GALNT14: variants seen among roughly 807,000 people sequenced by gnomAD.
GALNT14 encodes the protein UDP-GalNAc:polypeptide N-acetylgalactosaminyltransferase 14.
A neutral mutation model predicts 77.5 loss-of-function variants in GALNT14; 60 were observed. The observed-to-expected ratio is 0.77, with a 90% CI of 0.63 to 0.96. GALNT14 has a LOEUF of 0.96. Among genes scored for constraint, GALNT14 ranks in the 40% least tolerant of loss-of-function variants. GALNT14 has a pLI of 0.00. For synonymous variants in GALNT14, 280 were observed against 281.7 expected (o/e 0.99, Z 0.06); for missense variants, 710 against 731.0 (o/e 0.97, Z 0.33).
At chr2:31,028,645 G>T (rs1672224737) in intron 1 of GALNT14, among the ~76,000 whole-genome samples, 1 of 152,232 alleles carries the variant, frequency 6.6e-6, no homozygotes, top group Non-Finnish European at 1.5e-5. Context: ...GGGTAGCGGT[G>T]AAACACCAGG....
rs117281680 is a variant in GALNT14, at chr2:31,076,072, A to G, written c.129+61886T>C. On this transcript the variant is annotated intron_variant, in intron 1 of 14. Transcript: ENST00000349752. ...TTAACTCGAGCAGACACAGATGACC[A>G]GCAGTCTTGGAAACCACTGTGTATA... is the stretch of plus-strand genomic sequence containing the variant. 3.9e-5 allele frequency among the ~76,000 whole-genome samples: 6 copies of G among 152,352 alleles called. No homozygotes were observed. The East Asian group carries it at 1.2e-3, about 29-fold the overall frequency.
chr2:31,096,345 G>C (rs1677003672), intron 1 of GALNT14, among the ~76,000 whole-genome samples: 1 of 152,142 alleles, frequency 6.6e-6, no homozygotes, highest in Non-Finnish European at 1.5e-5. Flanking sequence ...GCCTATTACA[G>C]TATATGTCTT....
chr2:30,978,307 T>C (rs1668762167), intron 2 of GALNT14, among the ~76,000 whole-genome samples: 1 of 152,250 alleles, frequency 6.6e-6, no homozygotes, highest in Admixed American at 6.5e-5. Flanking sequence ...GGTATGACTA[T>C]TCCCCTTTCT....
intron 8 of GALNT14, among the ~76,000 whole-genome samples, chr2:30,942,812 C>A (rs1030888318): frequency 1.3e-5 from 2 of 152,114 alleles, no homozygotes; most frequent in Non-Finnish European, 2.9e-5. Flanking sequence ...CCTCTTTATG[C>A]CTCTGTTATG....
chr2:31,045,613 CA>C (rs1190088984), intron 1 of GALNT14, among the ~76,000 whole-genome samples: 1 of 152,140 alleles, frequency 6.6e-6, no homozygotes, highest in Non-Finnish European at 1.5e-5. Flanking sequence ...CAGGCACCCA[CA>C]ACCACGCCTG....
chr2:31,121,838 T>C (rs1234470703), intron 1 of GALNT14, among the ~76,000 whole-genome samples: 1 of 152,094 alleles, frequency 6.6e-6, no homozygotes, highest in Admixed American at 6.6e-5. Flanking sequence ...CTCACTTCCA[T>C]CTACCTCCCA....
chr2:31,039,682 CTCT>C (rs1332400681), intron 1 of GALNT14, among the ~76,000 whole-genome samples: 2 of 125,150 alleles, frequency 1.6e-5, no homozygotes, highest in Non-Finnish European at 3.5e-5. Context: ...ATTAGAAGAT[CTCT>C]TTTTTTTTCT....
chr2:31,041,622 T>C (rs1673099147), intron 1 of GALNT14, among the ~76,000 whole-genome samples: 1 of 152,128 alleles, frequency 6.6e-6, no homozygotes, highest in Admixed American at 6.5e-5. Context: ...TGGGATCCCA[T>C]GCTACGGCAT....
At chr2:30,912,114 C>T (rs889472257) in intron 14 of GALNT14, 109 bp downstream of exon 14, 3 of 1,404,190 alleles carry the variant, frequency 2.1e-6, no homozygotes, top group African/African-American at 2.9e-5. Context: ...CTCTTATCAA[C>T]TCTTCCTCTT....
intron 1 of GALNT14, among the ~76,000 whole-genome samples, chr2:31,079,892 G>A (rs1676051633): frequency 6.6e-6 from 1 of 152,188 alleles, no homozygotes; most frequent in Admixed American, 6.5e-5. Context: ...GGACCCTCCT[G>A]CTGCTCCCAG....
chr2:31,087,572 T>C (rs1676510134), intron 1 of GALNT14, among the ~76,000 whole-genome samples: 1 of 83,958 alleles, frequency 1.2e-5, no homozygotes, highest in Non-Finnish European at 2.8e-5. Context: ...ACAACACCAC[T>C]GACTTGGGGA....
chr2:31,116,106 T>A (rs1401781362), intron 1 of GALNT14, among the ~76,000 whole-genome samples: 1 of 152,152 alleles, frequency 6.6e-6, no homozygotes, highest in East Asian at 1.9e-4. Flanking sequence ...ATCATTGATA[T>A]CTTGATTGCA....
chr2:31,074,763 A>T (rs1433569119), intron 1 of GALNT14, among the ~76,000 whole-genome samples: 1 of 152,202 alleles, frequency 6.6e-6, no homozygotes, highest in Non-Finnish European at 1.5e-5. Flanking sequence ...TCACTTCTAC[A>T]ATATTCTATT....
chr2:30,976,845 G>A (rs1668662397), intron 2 of GALNT14, among the ~76,000 whole-genome samples: 1 of 152,074 alleles, frequency 6.6e-6, no homozygotes, highest in Non-Finnish European at 1.5e-5. Context: ...TCCTCACTCT[G>A]TCTCAGGTAT....
chr2:30,918,952 C>T (rs1355558903), intron 13 of GALNT14, among the ~76,000 whole-genome samples: 2 of 152,094 alleles, frequency 1.3e-5, no homozygotes, highest in Non-Finnish European at 2.9e-5. Context: ...TCACACACCT[C>T]GAGGCACCAG....
intron 2 of GALNT14, among the ~76,000 whole-genome samples, chr2:30,975,170 G>A (rs1291533205): frequency 6.6e-6 from 1 of 152,226 alleles, no homozygotes; most frequent in East Asian, 1.9e-4. Context: ...GGTGGCATCT[G>A]GTGTCCGTGG....
chr2:30,930,273 T>C (rs184248436), intron 10 of GALNT14, among the ~76,000 whole-genome samples: 105 of 152,324 alleles, frequency 6.9e-4, no homozygotes, highest in African/African-American at 2.1e-3. Flanking sequence ...GCTCCTGGGT[T>C]CTATCCTTTA....
At chr2:31,129,319 A>G in intron 1 of GALNT14, 1 of 940,476 alleles carries the variant, frequency 1.1e-6, no homozygotes, top group African/African-American at 1.8e-5. Context: ...AACTGTGGAT[A>G]TAAATGCTTT....
intron 1 of GALNT14, among the ~76,000 whole-genome samples, chr2:31,034,317 G>A (rs1197443997): frequency 6.6e-6 from 1 of 152,056 alleles, no homozygotes; most frequent in Non-Finnish European, 1.5e-5. Context: ...GCTACTTATA[G>A]TGCATCTGGA....
Sources: allele counts gnomAD v4.1 joint callset (sites outside exome capture counted in the v4.1 genomes callset), GRCh38; gene constraint gnomAD v4.1.1; transcripts MANE v1.5; gene names NCBI Gene and HGNC (gene_info 2026-07-23, HGNC 2026-07-21).